Variants in HS1BP3 observed in about 807,000 individuals in gnomAD.
HS1BP3 encodes the protein HCLS1-binding protein 3.
Under a neutral mutation model 33.5 loss-of-function variants are expected in HS1BP3, and 32 were observed. The observed-to-expected ratio is 0.95, with a 90% CI of 0.72 to 1.28. HS1BP3 has a LOEUF of 1.28. Ranked by LOEUF, HS1BP3 falls within the 50% of genes most tolerant of loss-of-function variation. The pLI is 0.00. For missense variants in HS1BP3, 486 were observed against 502.3 expected, an observed-to-expected ratio of 0.97 and a Z score of 0.31; for synonymous variants, 187 against 209.2, an observed-to-expected ratio of 0.89 and a Z score of 0.92.
intron 3 of HS1BP3, chr2:20,592,826 C>T (rs1693849755): frequency 6.6e-6 from 1 of 152,262 alleles, no homozygotes; most frequent in Non-Finnish European, 1.5e-5. Flanking sequence ...ACCTGGATAA[C>T]ACAGGATGAT....
intron 4 of HS1BP3, among the ~76,000 whole-genome samples, chr2:20,634,113 C>A (rs946696129): frequency 6.6e-6 from 1 of 152,240 alleles, no homozygotes; most frequent in Non-Finnish European, 1.5e-5. Context: ...GAAAGCCCAG[C>A]CCGAGCAGGA....
chr2:20,649,205 T>C (rs575021051), intron 1 of HS1BP3, among the ~76,000 whole-genome samples: 6 of 152,202 alleles, frequency 3.9e-5, no homozygotes, highest in African/African-American at 1.4e-4. Context: ...CATCCTTCAC[T>C]CCCAAGCTTG....
chr2:20,585,249 C>T (rs1297783042), intron 5 of HS1BP3, among the ~76,000 whole-genome samples: 2 of 152,204 alleles, frequency 1.3e-5, no homozygotes, highest in African/African-American at 2.4e-5. Context: ...GCACGGCTCA[C>T]ATCACTGAGG....
chr2:20,591,360 G>A (rs1693809277), downstream of HS1BP3: 1 of 163,670 alleles, frequency 6.1e-6, no homozygotes, highest in Admixed American at 6.5e-5. Flanking sequence ...ACAGGATTGA[G>A]TCTTGCTTGA....
intron 6 of HS1BP3, among the ~76,000 whole-genome samples, 196 bp from the exon 7 acceptor site, chr2:20,619,441 G>A (rs1694526711): frequency 6.6e-6 from 1 of 152,152 alleles, no homozygotes; most frequent in Admixed American, 6.5e-5. Context: ...AGACACGAAG[G>A]CCAGGGCTCT....
chr2:20,574,952 G>A (rs1231477077), intron 5 of HS1BP3, among the ~76,000 whole-genome samples: 1 of 152,184 alleles, frequency 6.6e-6, no homozygotes, highest in African/African-American at 2.4e-5. Flanking sequence ...TGCATAACTG[G>A]GATGATAATG....
At chr2:20,649,610 C>T (rs1287632664) in intron 1 of HS1BP3, among the ~76,000 whole-genome samples, 1 of 152,240 alleles carries the variant, frequency 6.6e-6, no homozygotes, top group Non-Finnish European at 1.5e-5. Context: ...TCGATAAACA[C>T]CTTCTGGCTG....
At position 20,594,244 on chromosome 2, in the gene HS1BP3, G is replaced by GCCCA. The variant is rs141783608; in HGVS notation, c.*13-1454_*13-1451dup. 8.3e-3 allele frequency among the ~76,000 whole-genome samples: 1,267 copies of GCCCA among 152,336 alleles called. 20 individuals carry two copies. The highest frequency in any genetic ancestry group is 0.029 in the African/African-American group (1,195 of 41,570). Reference sequence around the variant, plus strand: ...TGCCATGGGTGTGGGGAGAGTGGGGGCCCAGGTGTGCTAAGGCTGGGTTAG... The same window carrying GCCCA: ...TGCCATGGGTGTGGGGAGAGTGGGGGCCCACCCAGGTGTGCTAAGGCTGGGTTAG... On this transcript the variant is annotated intron_variant, in intron 3 of 3. Coordinates refer to the HS1BP3 transcript ENST00000415264.
chr2:20,591,720 T>C (rs1036320961), downstream of HS1BP3, among the ~76,000 whole-genome samples: 1 of 152,156 alleles, frequency 6.6e-6, no homozygotes, highest in Non-Finnish European at 1.5e-5. Flanking sequence ...TGCGCCACCA[T>C]GCCCAGCTAA....
chr2:20,564,312 T>G (rs1033044187), intron 5 of HS1BP3, among the ~76,000 whole-genome samples: 1 of 152,186 alleles, frequency 6.6e-6, no homozygotes, highest in Non-Finnish European at 1.5e-5. Context: ...CGACAGAGAC[T>G]CCATCACGTG....
intron 5 of HS1BP3, among the ~76,000 whole-genome samples, chr2:20,573,454 C>T (rs140013978): frequency 2.4e-4 from 36 of 152,342 alleles, no homozygotes; most frequent in Non-Finnish European, 3.8e-4. Context: ...ACCCCCCAAG[C>T]CCCTAACTGC....
chr2:20,623,061 G>A (rs1287260900), intron 6 of HS1BP3: 2 of 152,496 alleles, frequency 1.3e-5, no homozygotes, highest in African/African-American at 4.8e-5. Flanking sequence ...GTGTCCTGGA[G>A]CATGGAGTGG....
intron 5 of HS1BP3, among the ~76,000 whole-genome samples, chr2:20,576,937 G>C (rs1158200798): frequency 6.6e-6 from 1 of 152,208 alleles, no homozygotes; most frequent in Non-Finnish European, 1.5e-5. Flanking sequence ...CAAATGATGG[G>C]GAACAGAATT....
intron 5 of HS1BP3, among the ~76,000 whole-genome samples, chr2:20,576,089 CT>C (rs1172594911): frequency 6.6e-6 from 1 of 152,158 alleles, no homozygotes; most frequent in African/African-American, 2.4e-5. Context: ...CCCGATCCTC[CT>C]GTTTTAGCCT....
chr2:20,599,012 G>T (rs1046513418), intron 2 of HS1BP3, among the ~76,000 whole-genome samples: 2 of 152,206 alleles, frequency 1.3e-5, no homozygotes, highest in African/African-American at 4.8e-5. Context: ...AGTGGGGAGT[G>T]GGGGGAATGG....
downstream of HS1BP3, among the ~76,000 whole-genome samples, chr2:20,616,069 A>C (rs528138931): frequency 6.6e-6 from 1 of 152,332 alleles, no homozygotes; most frequent in East Asian, 1.9e-4. Context: ...TAGACAGTAC[A>C]TCCTGTCCAT....
At chr2:20,554,603 A>T in the HS1BP3 span, among the ~76,000 whole-genome samples, 2 of 151,890 alleles carry the variant, frequency 1.3e-5, no homozygotes, top group Middle Eastern at 6.8e-3. Context: ...GGTACCTGTA[A>T]TCCAGCTACT....
intron 5 of HS1BP3, among the ~76,000 whole-genome samples, chr2:20,568,442 C>G (rs993957770): frequency 6.6e-6 from 1 of 152,122 alleles, no homozygotes; most frequent in African/African-American, 2.4e-5. Flanking sequence ...AAGCCTGGGC[C>G]GCCGTCAGGC....
At chr2:20,637,033 C>T (rs1045037105) in intron 4 of HS1BP3, 1 of 96,144 alleles carries the variant, frequency 1.0e-5, no homozygotes, top group African/African-American at 3.9e-5. Context: ...GGGCTGCCCC[C>T]GCCCCCCCCG....
Sources: allele counts gnomAD v4.1 joint callset (sites outside exome capture counted in the v4.1 genomes callset), GRCh38; gene constraint gnomAD v4.1.1; transcripts MANE v1.5; gene names NCBI Gene and HGNC (gene_info 2026-07-23, HGNC 2026-07-21).